ELF2: variants seen among roughly 807,000 people sequenced by gnomAD.
The protein encoded by ELF2 is ETS-related transcription factor Elf-2.
ELF2 carries 11 observed loss-of-function variants against 54.8 expected under a neutral mutation model. The observed-to-expected ratio is 0.20, with a 90% CI of 0.13 to 0.33. The LOEUF (loss-of-function observed/expected upper bound fraction) is 0.33, where lower values mean the gene tolerates loss of function less well. ELF2 is among the 10% of genes least tolerant of loss of function. The pLI is 1.00. For synonymous variants in ELF2, 203 were observed against 245.1 expected (o/e 0.83, Z 1.61); for missense variants, 513 against 703.0 (o/e 0.73, Z 3.06).
chr4:139,118,008 CAACT>C (rs34114214), intron 4 of ELF2: 35,585 of 156,788 alleles, frequency 0.23, 4,209 homozygotes, highest in Middle Eastern at 0.25. Flanking sequence ...TGATGGATAC[CAACT>C]GTGATTTTTA....
chr4:139,064,807 G>A (rs1728439702), intron 7 of ELF2, among the ~76,000 whole-genome samples: 1 of 152,054 alleles, frequency 6.6e-6, no homozygotes, highest in Non-Finnish European at 1.5e-5. Flanking sequence ...TTGAACCCGG[G>A]AGGCAGAGGT....
In ELF2 at chr4:139,061,853, T is replaced by A; in HGVS notation, c.806+12A>T. On this transcript the variant is annotated intron_variant, in intron 8 of 9. Transcript: ENST00000686138. ...AAATTTTGTTTGAATACTAGCTCAT[T>A]TGAGTTTTTACCTCAAAGCTCGTCC... The A allele has an allele frequency of 6.2e-7, 1 of 1,610,720 alleles. No homozygotes were observed. Among genetic ancestry groups the A allele is most frequent in the Non-Finnish European group, 8.5e-7 (1 of 1,179,000 alleles).
intron 8 of ELF2, among the ~76,000 whole-genome samples, chr4:139,061,657 C>CA (rs1366457525): frequency 1.3e-5 from 2 of 152,070 alleles, no homozygotes; most frequent in African/African-American, 4.8e-5. Context: ...ACATTTTCTG[C>CA]AAAAATGAAT....
intron 1 of ELF2, among the ~76,000 whole-genome samples, chr4:139,173,952 G>A (rs1484198105): frequency 4.7e-5 from 7 of 149,400 alleles, no homozygotes; most frequent in African/African-American, 1.2e-4. Flanking sequence ...AGCCGGACGC[G>A]GTGGCTCACC....
chr4:139,082,740 ATT>A (rs923705281), intron 4 of ELF2, among the ~76,000 whole-genome samples: 3 of 152,192 alleles, frequency 2.0e-5, no homozygotes, highest in Admixed American at 6.5e-5. Context: ...TTCCCTGAGT[ATT>A]TCTCATCGTC....
chr4:139,084,252 GGGA>G, intron 4 of ELF2: 1 of 1,608,044 alleles, frequency 6.2e-7, no homozygotes, highest in East Asian at 2.2e-5. Context: ...GCGGCGGCAG[GGGA>G]GGAGGCGGAA....
chr4:139,150,493 T>A (rs1457554218), intron 1 of ELF2, among the ~76,000 whole-genome samples: 2 of 137,226 alleles, frequency 1.5e-5, no homozygotes, highest in Non-Finnish European at 3.1e-5. Flanking sequence ...TAGTCCTCCC[T>A]GGGTGACAGA....
chr4:139,059,336 T>C lies in ELF2; in HGVS notation c.1429A>G (p.Asn477Asp). ...LAQCQLQTKS[N>D]LTGSGSINIV... ...TTAATGCTTCCTGATCCAGTCAGATTTGACTTTGTCTGCAGTTGACACTGT... is the reference window on the plus strand; with the variant it reads ...TTAATGCTTCCTGATCCAGTCAGATCTGACTTTGTCTGCAGTTGACACTGT... The change falls in exon 10 of 10, where the codon AAT (asparagine) becomes GAT (aspartate). Residue 477 changes from asparagine (N) to aspartate (D), a missense_variant. Asn to Asp is a conservative substitution (Grantham distance 23). Coordinates refer to ENST00000686138, the MANE Select transcript of ELF2 (RefSeq NM_001331036.3). The C allele has an allele frequency of 4.3e-6, 7 of 1,614,006 alleles. No homozygotes were observed. Among genetic ancestry groups the C allele is most frequent in the Non-Finnish European group, 5.9e-6 (7 of 1,179,872 alleles).
At chr4:139,082,710 G>C (rs1352716632) in intron 4 of ELF2, among the ~76,000 whole-genome samples, 2 of 152,158 alleles carry the variant, frequency 1.3e-5, no homozygotes, top group Admixed American at 6.5e-5. Flanking sequence ...AGACTGTTAA[G>C]ATCTTTTACA....
At chr4:139,144,351 C>T (rs547129191) in intron 1 of ELF2, among the ~76,000 whole-genome samples, 1 of 152,274 alleles carries the variant, frequency 6.6e-6, no homozygotes, top group East Asian at 1.9e-4. Flanking sequence ...TCCCGGTCTC[C>T]AACGCAAACC....
At chr4:139,164,334 C>G (rs1053474266) in intron 1 of ELF2, among the ~76,000 whole-genome samples, 1 of 152,194 alleles carries the variant, frequency 6.6e-6, no homozygotes, top group East Asian at 1.9e-4. Flanking sequence ...AGTTACAAGT[C>G]TTTCTAAAAG....
At chr4:139,115,617 G>T (rs1027931807) in intron 4 of ELF2, among the ~76,000 whole-genome samples, 1 of 151,992 alleles carries the variant, frequency 6.6e-6, no homozygotes, top group African/African-American at 2.4e-5. Flanking sequence ...CCCAGTAAAT[G>T]AGAGTTTCAG....
At chr4:139,067,820 A>G in intron 6 of ELF2, 50 bp from the exon 7 acceptor site, 1 of 1,510,562 alleles carries the variant, frequency 6.6e-7, no homozygotes, top group South Asian at 1.3e-5. Context: ...GAAAAATATG[A>G]GAGGCACGAT....
chr4:139,144,212 C>A (rs928771400), intron 1 of ELF2, among the ~76,000 whole-genome samples: 1 of 152,068 alleles, frequency 6.6e-6, no homozygotes, highest in Non-Finnish European at 1.5e-5. Context: ...AGAGTATACA[C>A]CCCCACTATG....
intron 4 of ELF2, among the ~76,000 whole-genome samples, chr4:139,080,063 A>G (rs1263031931): frequency 6.6e-6 from 1 of 152,220 alleles, no homozygotes; most frequent in Non-Finnish European, 1.5e-5. Context: ...GAATCATTTT[A>G]AACAATTATC....
chr4:139,148,147 T>C (rs1739440736), intron 1 of ELF2, among the ~76,000 whole-genome samples: 1 of 151,024 alleles, frequency 6.6e-6, no homozygotes, highest in Admixed American at 6.6e-5. Context: ...GAGAGCTGTC[T>C]GTTCTGGCCA....
chr4:139,175,783 A>AG (rs1491292832), intron 1 of ELF2, among the ~76,000 whole-genome samples: 10 of 152,220 alleles, frequency 6.6e-5, no homozygotes, highest in Admixed American at 5.2e-4. Context: ...AACACAAGAA[A>AG]GGGGGGAATT....
At chr4:139,106,740 C>CTTTTTT (rs35312494) in intron 4 of ELF2, among the ~76,000 whole-genome samples, 4 of 93,756 alleles carry the variant, frequency 4.3e-5, no homozygotes, top group Non-Finnish European at 6.4e-5. Flanking sequence ...AACTATATTT[C>CTTTTTT]TTTTTTTTTT....
chr4:139,092,414 T>TAACATAACATAACATAACAA lies in ELF2; in HGVS notation c.239-18848_239-18847insTTGTTATGTTATGTTATGTT, dbSNP rs70940488. Among the ~76,000 whole-genome samples, 14 of 87,822 alleles carry TAACATAACATAACATAACAA rather than the reference T, an allele frequency of 1.6e-4. 1 individual carries two copies. The highest frequency in any genetic ancestry group is 1.7e-4 in the African/African-American group (4 of 23,356). 57.6% of individuals were successfully genotyped at this position (87,822 alleles called of 152,430 possible). On this transcript the variant is annotated intron_variant, in intron 4 of 9. Transcript: ENST00000686138. ...TAACATAACATAACATAACATAACA[T>TAACATAACATAACATAACAA]ACATAACATAACATAACATAACATA...
Sources: gnomAD v4.1 joint callset for allele counts (sites outside exome capture counted in the v4.1 genomes callset) on GRCh38, gnomAD v4.1.1 for gene constraint, MANE v1.5 for transcripts, NCBI Gene and HGNC (gene_info 2026-07-23, HGNC 2026-07-21) for gene names.